HECW1: variants seen among roughly 807,000 people sequenced by gnomAD.
HECW1 encodes the protein HECT, C2 and WW domain containing E3 ubiquitin protein ligase 1.
HECW1 carries 61 observed loss-of-function variants against 182.3 expected under a neutral mutation model. That is an observed-to-expected ratio of 0.33 (90% CI 0.27 to 0.41). The LOEUF is 0.41. Among genes scored for constraint, HECW1 ranks in the 10% least tolerant of loss-of-function variants. HECW1 has a pLI of 1.00. For missense variants in HECW1, 1,739 were observed against 2,108.9 expected (o/e 0.82, Z 3.44); for synonymous variants, 859 against 832.6 (o/e 1.03, Z -0.55).
At chr7:43,369,446 G>A (rs895856010) in intron 6 of HECW1, among the ~76,000 whole-genome samples, 7 of 152,066 alleles carry the variant, frequency 4.6e-5, no homozygotes, top group African/African-American at 1.2e-4. Flanking sequence ...CTACAAGAGT[G>A]AGCGAAACTC....
At chr7:43,543,495 A>T (rs1271781201) in intron 26 of HECW1, among the ~76,000 whole-genome samples, 1 of 152,138 alleles carries the variant, frequency 6.6e-6, no homozygotes, top group African/African-American at 2.4e-5. Flanking sequence ...TATGCTACTC[A>T]TGGCTGGGCA....
intron 2 of HECW1, among the ~76,000 whole-genome samples, chr7:43,147,280 G>A (rs1192472334): frequency 1.3e-5 from 2 of 151,708 alleles, no homozygotes; most frequent in African/African-American, 4.8e-5. Context: ...TAAGCATCTT[G>A]CATTACAGTA....
chr7:43,184,682 A>G (rs1018267295), intron 2 of HECW1, among the ~76,000 whole-genome samples: 1 of 152,216 alleles, frequency 6.6e-6, no homozygotes, highest in Non-Finnish European at 1.5e-5. Flanking sequence ...TGATTTAACC[A>G]ATCATGCCTG....
At chr7:43,197,098 C>G (rs1794528278) in intron 2 of HECW1, among the ~76,000 whole-genome samples, 3 of 152,076 alleles carry the variant, frequency 2.0e-5, no homozygotes, top group Admixed American at 2.0e-4. Context: ...ACAAAAGCCC[C>G]CATCCCTGGT....
At chr7:43,479,563 C>T in intron 16 of HECW1, 47 bp from the exon 17 acceptor site, 1 of 1,611,316 alleles carries the variant, frequency 6.2e-7, no homozygotes, top group Non-Finnish European at 8.5e-7. Flanking sequence ...TCCATTTTGG[C>T]CTATTCTCAC....
intron 8 of HECW1, among the ~76,000 whole-genome samples, chr7:43,419,354 G>A (rs1019059304): frequency 6.6e-6 from 1 of 152,200 alleles, no homozygotes; most frequent in African/African-American, 2.4e-5. Flanking sequence ...GTAGCAATTA[G>A]AAACAATTAT....
At chr7:43,380,572 G>C (rs187047318) in intron 6 of HECW1, among the ~76,000 whole-genome samples, 106 of 152,044 alleles carry the variant, frequency 7.0e-4, no homozygotes, top group Non-Finnish European at 1.1e-3. Flanking sequence ...TTGTTACCTA[G>C]GCTAAGGTGC....
At chr7:43,233,182 T>C (rs867268114) in intron 2 of HECW1, among the ~76,000 whole-genome samples, 4 of 152,190 alleles carry the variant, frequency 2.6e-5, no homozygotes, top group Non-Finnish European at 5.9e-5. Context: ...TTCATATATA[T>C]TCAATGTAGA....
chr7:43,514,401 G>A (rs896582956), intron 24 of HECW1, among the ~76,000 whole-genome samples: 12 of 149,684 alleles, frequency 8.0e-5, no homozygotes, highest in African/African-American at 3.0e-4. Flanking sequence ...CAAGTCTCCT[G>A]CCTCAGCCTC....
chr7:43,134,762 A>G (rs1212716019), intron 2 of HECW1, among the ~76,000 whole-genome samples: 2 of 152,000 alleles, frequency 1.3e-5, no homozygotes, highest in African/African-American at 4.8e-5. Flanking sequence ...TTTGTCTGCG[A>G]CTATCATTTT....
intron 26 of HECW1, 46 bp downstream of exon 26, chr7:43,542,044 T>C: frequency 7.0e-7 from 1 of 1,434,112 alleles, no homozygotes; most frequent in Non-Finnish European, 9.2e-7. Flanking sequence ...TTTTTTACTA[T>C]GGAAAATGCA....
chr7:43,160,580 G>C (rs930413095), intron 2 of HECW1, among the ~76,000 whole-genome samples: 1 of 152,046 alleles, frequency 6.6e-6, no homozygotes, highest in Non-Finnish European at 1.5e-5. Flanking sequence ...TTTATTCATC[G>C]CAAAGTCTTC....
At chr7:43,266,283 A>T (rs1418572958) in intron 3 of HECW1, among the ~76,000 whole-genome samples, 1 of 152,128 alleles carries the variant, frequency 6.6e-6, no homozygotes, top group African/African-American at 2.4e-5. Context: ...GGGGCTGATT[A>T]TGAGTAACAA....
At chr7:43,455,951 A>G (rs921706940) in intron 12 of HECW1, among the ~76,000 whole-genome samples, 2 of 152,172 alleles carry the variant, frequency 1.3e-5, no homozygotes. Flanking sequence ...CAGTGAGCCA[A>G]GATCGCACCA....
intron 3 of HECW1, among the ~76,000 whole-genome samples, chr7:43,286,957 C>T (rs1804713640): frequency 6.6e-6 from 1 of 152,056 alleles, no homozygotes; most frequent in Non-Finnish European, 1.5e-5. Flanking sequence ...CTCATTCATC[C>T]ACTCAAAAGT....
At chr7:43,141,348 C>T (rs1454279181) in intron 2 of HECW1, among the ~76,000 whole-genome samples, 1 of 152,166 alleles carries the variant, frequency 6.6e-6, no homozygotes. Context: ...ACGCTGACCC[C>T]CTGCTGGGTC....
At chr7:43,535,094 G>C (rs2081127465) in intron 24 of HECW1, among the ~76,000 whole-genome samples, 1 of 152,134 alleles carries the variant, frequency 6.6e-6, no homozygotes. Flanking sequence ...CCAAACCAAG[G>C]CAGCCTAACA....
chr7:43,182,033 C>T (rs937242652), intron 2 of HECW1, among the ~76,000 whole-genome samples: 27 of 152,090 alleles, frequency 1.8e-4, no homozygotes, highest in Admixed American at 1.1e-3. Flanking sequence ...ATCTACCTGC[C>T]TTGGCCTCCC....
At chr7:43,274,103 G>A (rs1475309705) in intron 3 of HECW1, 7 of 376,612 alleles carry the variant, frequency 1.9e-5, no homozygotes, top group Admixed American at 1.8e-4. Context: ...CACCCGCCTC[G>A]GCCTCCCAAA....
Sources: gnomAD v4.1 joint callset for allele counts (sites outside exome capture counted in the v4.1 genomes callset) on GRCh38, gnomAD v4.1.1 for gene constraint, MANE v1.5 for transcripts, NCBI Gene and HGNC (gene_info 2026-07-23, HGNC 2026-07-21) for gene names.